The following LHPP variants were observed in gnomAD, a reference collection of about 807,000 sequenced individuals.
The protein encoded by LHPP is hLHPP.
LHPP carries 24 observed loss-of-function variants against 30.3 expected under a neutral mutation model. That is an observed-to-expected ratio of 0.79 (90% CI 0.57 to 1.11). The LOEUF (loss-of-function observed/expected upper bound fraction) is 1.11, where lower values mean the gene tolerates loss of function less well. Among genes scored for constraint, LHPP ranks in the 50% most tolerant of loss-of-function variants. The probability of loss-of-function intolerance (pLI) is 0.00; values close to 1 mark genes in which losing one functional copy is unlikely to be tolerated. For missense variants in LHPP, 356 were observed against 367.2 expected (o/e 0.97, Z 0.25); for synonymous variants, 150 against 157.1 (o/e 0.95, Z 0.34).
chr10:124,503,723 T>G (rs1272314469), intron 5 of LHPP, among the ~76,000 whole-genome samples: 3 of 151,832 alleles, frequency 2.0e-5, no homozygotes, highest in African/African-American at 7.3e-5. Context: ...TTTATAAATA[T>G]TAAAGCTATA....
chr10:124,476,722 ACT>A (rs1952959796), intron 1 of LHPP, among the ~76,000 whole-genome samples: 1 of 152,160 alleles, frequency 6.6e-6, no homozygotes, highest in South Asian at 2.1e-4. Flanking sequence ...TGAAAAAACA[ACT>A]CTGCTCTGCT....
Position 124,578,405 on chromosome 10 carries a change from G to A in LHPP, c.717-34859G>A, listed in dbSNP as rs911825001. ...AGCCCGATGTGTCACTGGCCCTCAC[G>A]TGTCCTTCTCCGATCTGCTCACTCA... On this transcript the variant is annotated intron_variant, in intron 6 of 6. Transcript: ENST00000368842. Among the ~76,000 whole-genome samples, 9 of 152,202 alleles carry A rather than the reference G, an allele frequency of 5.9e-5. No individual in the cohort carries two copies. In the East Asian group the frequency reaches 7.7e-4, roughly 13 times the overall value.
chr10:124,534,366 G>A (rs1954969839), intron 6 of LHPP, among the ~76,000 whole-genome samples: 1 of 152,372 alleles, frequency 6.6e-6, no homozygotes, highest in East Asian at 1.9e-4. Flanking sequence ...TCCTGTATCT[G>A]TGACTCTGCA....
chr10:124,600,526 C>T (rs1230906919), intron 6 of LHPP, among the ~76,000 whole-genome samples: 1 of 152,260 alleles, frequency 6.6e-6, no homozygotes, highest in African/African-American at 2.4e-5. Flanking sequence ...CAGTTGGTCT[C>T]CAGAAGGAAA....
chr10:124,518,113 C>T lies in LHPP; in HGVS notation c.716+842C>T, dbSNP rs1019643057. On this transcript the variant is annotated intron_variant, in intron 6 of 6. Coordinates refer to ENST00000368842, the MANE Select transcript of LHPP (RefSeq NM_022126.4). Reference sequence around the variant, plus strand: ...GCCCGACCGTCGCTCTGAAGTCTCTCCTGCGGGTTGGGAGCTGTGGCTGAG... The same window carrying T: ...GCCCGACCGTCGCTCTGAAGTCTCTTCTGCGGGTTGGGAGCTGTGGCTGAG... Among the ~76,000 whole-genome samples, 5 of 152,222 alleles carry T rather than the reference C, an allele frequency of 3.3e-5. No homozygotes were observed. The South Asian group carries it at 1.0e-3, about 32-fold the overall frequency.
intron 3 of LHPP, chr10:124,490,025 CTCTG>C (rs1474754334): frequency 5.8e-6 from 1 of 171,742 alleles, no homozygotes; most frequent in Non-Finnish European, 1.2e-5. Flanking sequence ...GGGTATCTCT[CTCTG>C]TCTGTGGGTA....
rs371423501 is a variant in LHPP, at chr10:124,539,851, G to A, written c.716+22580G>A. ...CAGAAGGTTGAGGCTGCATTGAGCTGAGATTGCACCACTGCACTCCAGCCT... is the reference window on the plus strand; with the variant it reads ...CAGAAGGTTGAGGCTGCATTGAGCTAAGATTGCACCACTGCACTCCAGCCT... On this transcript the variant is annotated intron_variant, in intron 6 of 6. Coordinates refer to ENST00000368842, the MANE Select transcript of LHPP (RefSeq NM_022126.4). 2.0e-4 allele frequency among the ~76,000 whole-genome samples: 31 copies of A among 152,150 alleles called. No individual in the cohort carries two copies. In the East Asian group the frequency reaches 5.4e-3, roughly 27 times the overall value.
In LHPP at chr10:124,470,293, G is replaced by T. The variant is rs148208232; in HGVS notation, c.125+8306G>T. 1.8e-3 allele frequency among the ~76,000 whole-genome samples: 270 copies of T among 152,270 alleles called. 1 individual carries two copies. The highest frequency in any genetic ancestry group is 6.2e-3 in the African/African-American group (258 of 41,548). ...CACTAAAGCACATCTGCTGGGCCCAGCCCAGGCCCGGCTCGGCGTTTTTGG... is the reference window on the plus strand; with the variant it reads ...CACTAAAGCACATCTGCTGGGCCCATCCCAGGCCCGGCTCGGCGTTTTTGG... On this transcript the variant is annotated intron_variant, in intron 1 of 6. Transcript: ENST00000368842.
At chr10:124,524,275 ATTTT>A (rs59957047) in intron 6 of LHPP, among the ~76,000 whole-genome samples, 1 of 126,164 alleles carries the variant, frequency 7.9e-6, no homozygotes, top group Non-Finnish European at 1.7e-5. Context: ...TTTTGTTTTC[ATTTT>A]TTTTTTTTTT....
At chr10:124,526,316 C>A in intron 6 of LHPP, 1 of 816,832 alleles carries the variant, frequency 1.2e-6, no homozygotes, top group Non-Finnish European at 1.5e-6. Flanking sequence ...TCAGCCTCAG[C>A]TCGTCTACAC....
Position 124,575,967 on chromosome 10 carries a change from C to G in LHPP, c.717-37297C>G, listed in dbSNP as rs1315964669. Among the ~76,000 whole-genome samples the G allele has an allele frequency of 2.6e-5, 4 of 152,138 alleles. No individual in the cohort carries two copies. In the East Asian group the frequency reaches 7.7e-4, roughly 29 times the overall value. ...GGGGTCTGGGCAGCCTGGTGGCCCC[C>G]TGAAAACGTTCACATCCCTTGGGGC... On this transcript the variant is annotated intron_variant, in intron 6 of 6. Coordinates refer to ENST00000368842, the MANE Select transcript of LHPP (RefSeq NM_022126.4).
At chr10:124,474,028 A>G (rs531827594) in intron 1 of LHPP, among the ~76,000 whole-genome samples, 9 of 151,772 alleles carry the variant, frequency 5.9e-5, no homozygotes, top group South Asian at 4.2e-4. Context: ...ACCTTAAACT[A>G]TCAGGAGATA....
intron 6 of LHPP, among the ~76,000 whole-genome samples, chr10:124,531,591 T>C (rs773273047): frequency 6.6e-6 from 1 of 152,232 alleles, no homozygotes; most frequent in Non-Finnish European, 1.5e-5. Context: ...TTGCCAGTTT[T>C]GAAGATTACG....
At chr10:124,466,393 G>A (rs12259977) in intron 1 of LHPP, among the ~76,000 whole-genome samples, 2,954 of 152,320 alleles carry the variant, frequency 0.019, 94 homozygotes, top group African/African-American at 0.064. Flanking sequence ...GAAAGTGGGG[G>A]CCACTGTGTG....
chr10:124,581,593 C>T (rs1416106552), intron 6 of LHPP, among the ~76,000 whole-genome samples: 1 of 152,104 alleles, frequency 6.6e-6, no homozygotes, highest in Non-Finnish European at 1.5e-5. Context: ...TAATTCTAGC[C>T]ATTCTAGTGG....
At chr10:124,540,138 T>A (rs1955145645) in intron 6 of LHPP, among the ~76,000 whole-genome samples, 1 of 152,098 alleles carries the variant, frequency 6.6e-6, no homozygotes, top group African/African-American at 2.4e-5. Flanking sequence ...GCCCAGCCGT[T>A]CATGCAGCGC....
At chr10:124,578,706 A>G (rs1202517011) in intron 6 of LHPP, among the ~76,000 whole-genome samples, 3 of 152,134 alleles carry the variant, frequency 2.0e-5, no homozygotes, top group Non-Finnish European at 4.4e-5. Context: ...CAGGGCTTAC[A>G]CCGCGCCACG....
intron 6 of LHPP, among the ~76,000 whole-genome samples, chr10:124,518,117 C>T (rs1239517705): frequency 6.6e-6 from 1 of 151,968 alleles, no homozygotes; most frequent in African/African-American, 2.4e-5. Context: ...GTCTCTCCTG[C>T]GGGTTGGGAG....
chr10:124,565,842 G>C (rs1222334207), intron 6 of LHPP, among the ~76,000 whole-genome samples: 1 of 152,230 alleles, frequency 6.6e-6, no homozygotes, highest in Admixed American at 6.5e-5. Flanking sequence ...GCTCCAGCCC[G>C]GCGTCGGGTT....
Sources: allele counts gnomAD v4.1 joint callset (sites outside exome capture counted in the v4.1 genomes callset), GRCh38; gene constraint gnomAD v4.1.1; transcripts MANE v1.5; gene names NCBI Gene and HGNC (gene_info 2026-07-23, HGNC 2026-07-21).